ST18: variants seen among roughly 807,000 people sequenced by gnomAD.
The protein encoded by ST18 is suppression of tumorigenicity 18 protein.
A neutral mutation model predicts 110.0 loss-of-function variants in ST18; 50 were observed. The ratio of observed to expected loss-of-function variants is 0.45; its 90% CI spans 0.36 to 0.58. The LOEUF is 0.58. ST18 is among the 20% of genes least tolerant of loss of function. The pLI, the probability that ST18 is intolerant of heterozygous loss-of-function variation, is 0.00. For missense variants in ST18, 1,306 were observed against 1,280.1 expected (o/e 1.02, Z -0.31); for synonymous variants, 461 against 452.4 (o/e 1.02, Z -0.24).
chr8:52,172,273 A>G lies in ST18; in HGVS notation c.588T>C (p.Ser196=), dbSNP rs1310429238. 3 of 1,614,046 alleles carry G rather than the reference A, an allele frequency of 1.9e-6. No homozygotes were observed. The highest frequency in any genetic ancestry group is 1.7e-5 in the Admixed American group (1 of 60,002). ...TGTCCCAGCCATTTTCTGCACTTTCAGAGTTACTTTCATTGTCATCAGAGG... is the reference window on the plus strand; with the variant it reads ...TGTCCCAGCCATTTTCTGCACTTTCGGAGTTACTTTCATTGTCATCAGAGG... The part of the protein sequence containing the change: ...FCSSDDNESN[S]ESAENGWDSG... The change falls in exon 10 of 26, where the codon TCT becomes TCC. Residue 196 remains serine (S), a synonymous_variant. Coordinates refer to ENST00000689386, the MANE Select transcript of ST18 (RefSeq NM_001352837.2).
chr8:52,252,795 G>A (rs765902080), intron 2 of ST18, among the ~76,000 whole-genome samples: 15 of 151,890 alleles, frequency 9.9e-5, no homozygotes, highest in Non-Finnish European at 2.1e-4. Flanking sequence ...AATCACCACT[G>A]AGTAATTGAA....
At chr8:52,395,654 C>T (rs1840838067) in intron 2 of ST18, among the ~76,000 whole-genome samples, 1 of 152,118 alleles carries the variant, frequency 6.6e-6, no homozygotes, top group Non-Finnish European at 1.5e-5. Context: ...AACTGATGTG[C>T]TTACTGGGAT....
intron 2 of ST18, among the ~76,000 whole-genome samples, chr8:52,282,383 T>C (rs1046398705): frequency 3.9e-5 from 6 of 152,148 alleles, no homozygotes; most frequent in Admixed American, 2.0e-4. Context: ...TGATTCAACA[T>C]TAAAAATTCT....
At chr8:52,208,947 G>C (rs545590343) in intron 8 of ST18, among the ~76,000 whole-genome samples, 110 of 152,294 alleles carry the variant, frequency 7.2e-4, no homozygotes, top group Middle Eastern at 3.4e-3. Flanking sequence ...ATTTTTATAA[G>C]CTGGGTCTCA....
intron 2 of ST18, among the ~76,000 whole-genome samples, chr8:52,349,110 G>A (rs1024063464): frequency 4.6e-5 from 7 of 152,010 alleles, no homozygotes; most frequent in Non-Finnish European, 8.8e-5. Context: ...TGCCTTGCTC[G>A]TTTTTTGTTA....
chr8:52,207,907 C>G (rs557767925), intron 8 of ST18, among the ~76,000 whole-genome samples: 1 of 152,034 alleles, frequency 6.6e-6, no homozygotes, highest in Non-Finnish European at 1.5e-5. Context: ...GAGGTTCAGA[C>G]TAAGGATAAT....
chr8:52,254,339 A>G (rs1392836139), intron 2 of ST18: 1 of 152,158 alleles, frequency 6.6e-6, no homozygotes, highest in East Asian at 1.9e-4. Flanking sequence ...GGTAGTTCCC[A>G]TGATATGACA....
At chr8:52,213,782 A>T (rs1588613418) in intron 7 of ST18, among the ~76,000 whole-genome samples, 2 of 152,192 alleles carry the variant, frequency 1.3e-5, no homozygotes, top group South Asian at 4.1e-4. Flanking sequence ...TACTTGAACT[A>T]AGTTTAGGTT....
rs145873490 is a variant in ST18, at chr8:52,363,128, C to T, written c.-465+46200G>A. ...TTGGGAGGCTGAGGCAGGAGAATGG[C>T]GTGAGCCTGGGAGGCAGAGCTTGCA... On this transcript the variant is annotated intron_variant, in intron 2 of 25. Transcript: ENST00000689386. 6.2e-3 allele frequency among the ~76,000 whole-genome samples: 944 copies of T among 152,228 alleles called. 14 individuals carry two copies. Among genetic ancestry groups the T allele is most frequent in the African/African-American group, 0.022 (896 of 41,520 alleles).
At chr8:52,286,529 T>A (rs17315018) in intron 2 of ST18, among the ~76,000 whole-genome samples, 1 of 151,932 alleles carries the variant, frequency 6.6e-6, no homozygotes, top group East Asian at 1.9e-4. Flanking sequence ...ATCATTATGA[T>A]CATCTCCTTT....
chr8:52,392,625 G>C (rs1839687368), intron 2 of ST18, among the ~76,000 whole-genome samples: 1 of 152,172 alleles, frequency 6.6e-6, no homozygotes, highest in Non-Finnish European at 1.5e-5. Context: ...AGCAATGAAA[G>C]CACAGATTTA....
intron 2 of ST18, among the ~76,000 whole-genome samples, chr8:52,255,161 G>A (rs758668483): frequency 6.6e-6 from 1 of 152,126 alleles, no homozygotes; most frequent in Non-Finnish European, 1.5e-5. Flanking sequence ...GATTCCATGT[G>A]AGTGGCACAC....
intron 2 of ST18, among the ~76,000 whole-genome samples, chr8:52,340,148 T>A (rs1814204807): frequency 6.6e-6 from 1 of 152,234 alleles, no homozygotes; most frequent in African/African-American, 2.4e-5. Context: ...CTCAATGCCA[T>A]CTTTTGGCAC....
chr8:52,395,367 AC>A (rs1272560898), intron 2 of ST18, among the ~76,000 whole-genome samples: 1 of 152,208 alleles, frequency 6.6e-6, no homozygotes, highest in Non-Finnish European at 1.5e-5. Flanking sequence ...AAGTAGGGAG[AC>A]CCGTTAGGAG....
At chr8:52,149,246 G>A (rs1473647600) in intron 16 of ST18, among the ~76,000 whole-genome samples, 2 of 152,180 alleles carry the variant, frequency 1.3e-5, no homozygotes, top group Non-Finnish European at 1.5e-5. Flanking sequence ...CCAACATTTC[G>A]ATCCAATGCC....
At chr8:52,254,211 C>G (rs2094450429) in intron 2 of ST18, 1 of 152,122 alleles carries the variant, frequency 6.6e-6, no homozygotes, top group South Asian at 2.1e-4. Context: ...GCTTAAATGT[C>G]AGTGTGAGCA....
At chr8:52,375,804 A>G (rs6982497) in intron 2 of ST18, among the ~76,000 whole-genome samples, 150,036 of 152,206 alleles carry the variant, frequency 0.99, 73,980 homozygotes, top group Middle Eastern at 1. Context: ...AAATCAACAC[A>G]CCCGGACTGA....
intron 2 of ST18, among the ~76,000 whole-genome samples, chr8:52,349,308 C>T (rs1212504558): frequency 2.0e-5 from 3 of 152,212 alleles, no homozygotes; most frequent in African/African-American, 7.2e-5. Context: ...TGCCAACCTT[C>T]TAACCTTCGT....
intron 2 of ST18, among the ~76,000 whole-genome samples, chr8:52,386,247 G>C (rs923787578): frequency 3.9e-5 from 6 of 152,044 alleles, no homozygotes; most frequent in African/African-American, 1.4e-4. Flanking sequence ...CAATTTTAAA[G>C]TAAATTTTTA....
Sources: allele counts gnomAD v4.1 joint callset (sites outside exome capture counted in the v4.1 genomes callset), GRCh38; gene constraint gnomAD v4.1.1; transcripts MANE v1.5; gene names NCBI Gene and HGNC (gene_info 2026-07-23, HGNC 2026-07-21).